Variants in MEF2C observed in about 807,000 individuals in gnomAD.
The protein encoded by MEF2C is myocyte-specific enhancer factor 2C.
MEF2C carries 6 observed loss-of-function variants against 50.5 expected under a neutral mutation model. The ratio of observed to expected loss-of-function variants is 0.12; its 90% CI spans 0.07 to 0.23. The LOEUF is 0.23. MEF2C is among the 10% of genes least tolerant of loss of function. The pLI is 1.00. For missense variants in MEF2C, 276 were observed against 605.0 expected (o/e 0.46, Z 5.70); for synonymous variants, 183 against 228.0 (o/e 0.80, Z 1.78).
At chr5:88,802,570 C>T (rs544873335) in intron 3 of MEF2C, among the ~76,000 whole-genome samples, 2 of 152,296 alleles carry the variant, frequency 1.3e-5, no homozygotes, top group Admixed American at 1.3e-4. Context: ...CTTCAGCCCC[C>T]CAGGTAGCTG....
chr5:88,765,815 C>T (rs1438250006), intron 3 of MEF2C, among the ~76,000 whole-genome samples: 1 of 152,216 alleles, frequency 6.6e-6, no homozygotes, highest in Non-Finnish European at 1.5e-5. Flanking sequence ...CCTAAAACCA[C>T]CAGCTTCTCT....
chr5:88,853,066 T>C (rs1480655443), intron 1 of MEF2C, among the ~76,000 whole-genome samples: 1 of 152,046 alleles, frequency 6.6e-6, no homozygotes, highest in Non-Finnish European at 1.5e-5. Context: ...TCTGTAAAAC[T>C]GAAAAAAATT....
chr5:88,807,427 T>C (rs1433219874), intron 2 of MEF2C, among the ~76,000 whole-genome samples: 1 of 152,054 alleles, frequency 6.6e-6, no homozygotes, highest in African/African-American at 2.4e-5. Context: ...AGAAACGAGG[T>C]TTCCCTATGT....
intron 4 of MEF2C, among the ~76,000 whole-genome samples, chr5:88,756,216 ATACTGG>A (rs1354594384): frequency 6.6e-6 from 1 of 152,168 alleles, no homozygotes; most frequent in Non-Finnish European, 1.5e-5. Context: ...GATATATTGC[ATACTGG>A]TGGGGACTGG....
chr5:88,782,449 G>A (rs1189872956), intron 3 of MEF2C, among the ~76,000 whole-genome samples: 4 of 144,412 alleles, frequency 2.8e-5, no homozygotes, highest in Non-Finnish European at 6.0e-5. Flanking sequence ...CTGGGCAATG[G>A]GCATGAAATC....
chr5:88,894,473 A>C (rs143589262), intron 1 of MEF2C, among the ~76,000 whole-genome samples: 50 of 152,304 alleles, frequency 3.3e-4, no homozygotes, highest in Middle Eastern at 3.4e-3. Flanking sequence ...TATTTCAGTA[A>C]TGTTGTCTTT....
chr5:88,820,674 T>C (rs948987156), intron 2 of MEF2C, among the ~76,000 whole-genome samples: 1 of 152,040 alleles, frequency 6.6e-6, no homozygotes, highest in Non-Finnish European at 1.5e-5. Flanking sequence ...CTGGACAGTC[T>C]ACAGTGGGGC....
In MEF2C at chr5:88,871,463, G is replaced by A. The variant is rs73179466; in HGVS notation, c.-143+11492C>T. Among the ~76,000 whole-genome samples, 589 of 152,050 alleles carry A rather than the reference G, an allele frequency of 3.9e-3. 2 individuals are homozygous for A. The highest frequency in any genetic ancestry group is 0.014 in the African/African-American group (567 of 41,506). ...AGTCCACTCTGCAAGTATTCCTTGT[G>A]CTGAGCACTCTTTATCCAGGCATTA... On this transcript the variant is annotated intron_variant, in intron 1 of 10. Transcript: ENST00000504921.
chr5:88,871,079 T>G (rs551140841), intron 1 of MEF2C, among the ~76,000 whole-genome samples: 4 of 152,116 alleles, frequency 2.6e-5, no homozygotes, highest in Non-Finnish European at 4.4e-5. Flanking sequence ...CTATAAATCA[T>G]ATCAAGAAGT....
intron 1 of MEF2C, among the ~76,000 whole-genome samples, chr5:88,837,624 A>C (rs1815698956): frequency 6.6e-6 from 1 of 152,194 alleles, no homozygotes; most frequent in African/African-American, 2.4e-5. Flanking sequence ...CATTCAATAA[A>C]GGAGGAAAAC....
intron 1 of MEF2C, among the ~76,000 whole-genome samples, chr5:88,855,900 G>T (rs1369240462): frequency 1.3e-5 from 2 of 152,174 alleles, no homozygotes; most frequent in Non-Finnish European, 2.9e-5. Flanking sequence ...TGCAGAGAGT[G>T]GGACACTGCT....
chr5:88,812,995 T>C (rs1013125562), intron 2 of MEF2C, among the ~76,000 whole-genome samples: 2 of 152,174 alleles, frequency 1.3e-5, no homozygotes, highest in Non-Finnish European at 2.9e-5. Context: ...CATAACATTT[T>C]AATTAACGTA....
At chr5:88,890,487 G>A (rs965451974) in intron 1 of MEF2C, among the ~76,000 whole-genome samples, 3 of 152,094 alleles carry the variant, frequency 2.0e-5, no homozygotes, top group Non-Finnish European at 4.4e-5. Flanking sequence ...ATTAAAATAA[G>A]ATAAAATAAA....
intron 6 of MEF2C, chr5:88,738,440 C>T: frequency 1.1e-6 from 1 of 909,682 alleles, no homozygotes; most frequent in Non-Finnish European, 1.3e-6. Context: ...AAGAACAACC[C>T]TGTGGGATAC....
intron 1 of MEF2C, among the ~76,000 whole-genome samples, chr5:88,847,706 A>G (rs560375965): frequency 6.6e-6 from 1 of 152,218 alleles, no homozygotes; most frequent in East Asian, 1.9e-4. Context: ...TGACTATAAA[A>G]CACATGTTAA....
chr5:88,827,472 C>T (rs377284651), intron 1 of MEF2C, among the ~76,000 whole-genome samples: 3 of 151,950 alleles, frequency 2.0e-5, no homozygotes, highest in Non-Finnish European at 2.9e-5. Flanking sequence ...TGAGCAGAAC[C>T]GTCTGAGTGT....
intron 2 of MEF2C, among the ~76,000 whole-genome samples, chr5:88,805,383 T>G (rs577708614): frequency 5.9e-5 from 9 of 152,332 alleles, no homozygotes; most frequent in African/African-American, 2.2e-4. Context: ...TTCATTCTTC[T>G]GTGTATCTTT....
intron 2 of MEF2C, among the ~76,000 whole-genome samples, chr5:88,810,032 C>A (rs774817700): frequency 8.5e-5 from 13 of 152,072 alleles, no homozygotes; most frequent in Non-Finnish European, 1.8e-4. Context: ...CCCCAAAGAC[C>A]ATCCCTCAGG....
At chr5:88,869,002 A>G (rs975234712) in intron 1 of MEF2C, among the ~76,000 whole-genome samples, 6 of 151,808 alleles carry the variant, frequency 4.0e-5, no homozygotes, top group Non-Finnish European at 8.8e-5. Flanking sequence ...GAATTAAGAA[A>G]ACTTACTACA....
Sources: gnomAD v4.1 joint callset for allele counts (sites outside exome capture counted in the v4.1 genomes callset) on GRCh38, gnomAD v4.1.1 for gene constraint, MANE v1.5 for transcripts, NCBI Gene and HGNC (gene_info 2026-07-23, HGNC 2026-07-21) for gene names.